The following ABCB7 variants were observed in gnomAD, a reference collection of about 807,000 sequenced individuals.
The protein encoded by ABCB7 is ATP binding cassette subfamily B member 7, also known as iron-sulfur clusters transporter ABCB7, mitochondrial.
Under a neutral mutation model 54.4 loss-of-function variants are expected in ABCB7, and 7 were observed. The observed-to-expected ratio is 0.13, with a 90% confidence interval of 0.07 to 0.24. The LOEUF (loss-of-function observed/expected upper bound fraction) is 0.24. ABCB7 is among the 10% of genes least tolerant of loss of function. The pLI, the probability that ABCB7 is intolerant of heterozygous loss-of-function variation, is 1.00. For missense variants in ABCB7, 356 were observed against 570.4 expected (o/e 0.62, Z 3.83); for synonymous variants, 218 against 207.1 (o/e 1.05, Z -0.45).
intron 4 of ABCB7, among the ~76,000 whole-genome samples, chrX:75,083,369 CA>C (rs1332779974): frequency 9.0e-6 from 1 of 111,360 alleles, no homozygotes; most frequent in African/African-American, 3.3e-5. Flanking sequence ...CTGGTATAAT[CA>C]AACATGTATC....
At chrX:75,078,329 G>A (rs2081427904) in intron 4 of ABCB7, among the ~76,000 whole-genome samples, 2 of 111,095 alleles carry the variant, frequency 1.8e-5, no homozygotes, top group African/African-American at 6.6e-5. Context: ...CTATCTTTTT[G>A]TTATAGTTTA....
intron 1 of ABCB7, among the ~76,000 whole-genome samples, chrX:75,120,572 A>AGCCTGGG (rs2081868738): frequency 9.0e-6 from 1 of 110,703 alleles, no homozygotes; most frequent in South Asian, 4.0e-4. Context: ...ACTGCACTCC[A>AGCCTGGG]GCCTGGGCAA....
rs748847498 is a variant in ABCB7 at position 75,103,518 on chromosome X, G to A, written c.334-4457C>T. ...ACCATGCCATTTTTGTTACTATAGC[G>A]TTATAATATATTTTGAAGTCAGGTA... On this transcript the variant is annotated intron_variant, in intron 3 of 15. Coordinates refer to ENST00000373394, the MANE Select transcript of ABCB7 (RefSeq NM_001271696.3). 1.6e-4 allele frequency among the ~76,000 whole-genome samples: 18 copies of A among 111,210 alleles called. 1 individual carries two copies. The highest frequency in any genetic ancestry group is 2.8e-4 in the Non-Finnish European group (15 of 52,725).
At chrX:75,113,517 C>T (rs1390569096) in intron 2 of ABCB7, among the ~76,000 whole-genome samples, 1 of 111,777 alleles carries the variant, frequency 8.9e-6, no homozygotes, top group Non-Finnish European at 1.9e-5. Flanking sequence ...TTTGCATACA[C>T]TGTTTTGCCT....
chrX:75,060,354 A>C (rs2081273135), intron 14 of ABCB7, 24 bp from the exon 15 acceptor site: 1 of 1,065,566 alleles, frequency 9.4e-7, no homozygotes, highest in African/African-American at 1.8e-5. Flanking sequence ...AATATGAAGA[A>C]CAGGAGAAAA....
chrX:75,103,075 T>C (rs2081653369), intron 3 of ABCB7, among the ~76,000 whole-genome samples: 2 of 111,928 alleles, frequency 1.8e-5, no homozygotes, highest in African/African-American at 6.5e-5. Flanking sequence ...TAACAGGTTG[T>C]CTCTTCACTC....
intron 4 of ABCB7, among the ~76,000 whole-genome samples, chrX:75,091,553 A>G (rs2081543862): frequency 9.0e-6 from 1 of 111,272 alleles, no homozygotes. Context: ...CATTATATTC[A>G]ACACTGTACT....
chrX:75,062,187 GA>G, intron 14 of ABCB7, 140 bp downstream of exon 14: 2 of 509,996 alleles, frequency 3.9e-6, no homozygotes, highest in Non-Finnish European at 6.7e-6. Flanking sequence ...TTGCCATATG[GA>G]AAAAGGGGGA....
At chrX:75,066,733 T>C (rs1047209148) in intron 12 of ABCB7, among the ~76,000 whole-genome samples, 5 of 111,929 alleles carry the variant, frequency 4.5e-5, no homozygotes, top group Non-Finnish European at 9.4e-5. Context: ...TAATATTACA[T>C]TGATATTTTC....
intron 1 of ABCB7, among the ~76,000 whole-genome samples, chrX:75,125,258 T>C (rs1467927847): frequency 9.0e-6 from 1 of 111,653 alleles, no homozygotes; most frequent in Non-Finnish European, 1.9e-5. Flanking sequence ...AAGTAGGATA[T>C]ATCAGACATA....
chrX:75,140,430 G>A (rs2082045789), intron 1 of ABCB7, among the ~76,000 whole-genome samples: 1 of 110,573 alleles, frequency 9.0e-6, no homozygotes, highest in South Asian at 3.8e-4. Context: ...ACTGACATAT[G>A]GATAGGGAAA....
chrX:75,114,812 C>T lies in ABCB7; in HGVS notation c.188G>A (p.Ser63Asn), dbSNP rs750001347. The T allele has an allele frequency of 2.5e-6, 3 of 1,199,295 alleles. No individual in the cohort carries two copies. Among genetic ancestry groups the T allele is most frequent in the Non-Finnish European group, 3.4e-6 (3 of 887,367 alleles). ...TTTTCCCAATCTCTGCCATGTGATA[C>T]TTTTTAATGACTCTGGAATCTGCTG... ...RAYQIPESLK[S>N]ITWQRLGKGN... is the part of the protein sequence containing the mutation. Residue 63 changes from serine to asparagine, a missense_variant, in exon 2 of 16, where the codon AGT becomes AAT. Physicochemically the swap from Ser to Asn is conservative, Grantham distance 46. Around this residue, in one of 2 missense-constraint regions of ABCB7, gnomAD observed 115 missense variants for 99.5 expected, o/e 1.16. Transcript: ENST00000373394.
At chrX:75,062,017 T>C (rs1409510824) in intron 14 of ABCB7, among the ~76,000 whole-genome samples, 1 of 112,584 alleles carries the variant, frequency 8.9e-6, no homozygotes, top group African/African-American at 3.2e-5. Context: ...TTTCTTCCTT[T>C]GTCAGCATAT....
intron 4 of ABCB7, among the ~76,000 whole-genome samples, chrX:75,091,805 T>A (rs750255963): frequency 1.8e-5 from 2 of 110,668 alleles, no homozygotes; most frequent in Non-Finnish European, 3.8e-5. Context: ...CAATTTGAAA[T>A]AAAAAATACA....
At chrX:75,066,428 T>C (rs1269500263) in intron 12 of ABCB7, among the ~76,000 whole-genome samples, 4 of 111,622 alleles carry the variant, frequency 3.6e-5, no homozygotes, top group Admixed American at 9.6e-5. Flanking sequence ...TTTAAAATAA[T>C]TTATATTTAG....
Position 75,053,477 on chromosome X carries a change from G to T in ABCB7, c.2152C>A (p.Pro718Thr), listed in dbSNP as rs752787356. 3.3e-6 allele frequency: 4 copies of T among 1,210,570 alleles called. No homozygotes were observed. The East Asian group carries it at 8.9e-5, about 27-fold the overall frequency. ...TTTTCTTTCTTTGCTTCCCATTTGG[G>T]GTTATCATGGTTCTGCACACGGCTG... Reference protein sequence around the residue: ...QSSRVQNHDNPKWEAKKENIS... With the variant: ...QSSRVQNHDNTKWEAKKENIS... Residue 718 changes from proline to threonine, a missense_variant, in exon 16 of 16, where the codon CCC becomes ACC. Pro to Thr is a conservative substitution (Grantham distance 38). Coordinates refer to ENST00000373394, the MANE Select transcript of ABCB7 (RefSeq NM_001271696.3).
intron 3 of ABCB7, among the ~76,000 whole-genome samples, chrX:75,101,701 G>A (rs1251423451): frequency 9.0e-6 from 1 of 111,372 alleles, no homozygotes; most frequent in African/African-American, 3.3e-5. Flanking sequence ...AGTTTTGTCT[G>A]TCTTACTTTT....
intron 4 of ABCB7, among the ~76,000 whole-genome samples, chrX:75,089,855 T>C (rs2081530718): frequency 9.0e-6 from 1 of 110,595 alleles, no homozygotes; most frequent in Non-Finnish European, 1.9e-5. Flanking sequence ...GACCCAATTT[T>C]AAATATCAAG....
intron 1 of ABCB7, among the ~76,000 whole-genome samples, chrX:75,153,552 G>A (rs922649206): frequency 9.2e-6 from 1 of 108,391 alleles, no homozygotes; most frequent in Non-Finnish European, 1.9e-5. Flanking sequence ...TAGGAAGGTG[G>A]AACTTGCTAC....
Sources: allele counts gnomAD v4.1 joint callset (sites outside exome capture counted in the v4.1 genomes callset), GRCh38; gene constraint gnomAD v4.1.1; regional missense constraint gnomAD v4.1.1; transcripts MANE v1.5; gene names NCBI Gene and HGNC (gene_info 2026-07-23, HGNC 2026-07-21).